Variants in PTPRD observed in about 807,000 individuals in gnomAD.
PTPRD encodes the protein receptor-type tyrosine-protein phosphatase delta.
Under a neutral mutation model 214.5 loss-of-function variants are expected in PTPRD, and 34 were observed. The observed-to-expected ratio is 0.16, with a 90% CI of 0.12 to 0.21. PTPRD has a LOEUF of 0.21. PTPRD is among the 10% of genes least tolerant of loss of function. The pLI is 1.00. For missense variants in PTPRD, 2,545 were observed against 2,398.7 expected (o/e 1.06, Z -1.27); for synonymous variants, 1,128 against 845.7 (o/e 1.33, Z -5.79).
At chr9:9,275,127 ATTATATATAAT>A (rs1569566698) in intron 9 of PTPRD, among the ~76,000 whole-genome samples, 127 of 55,214 alleles carry the variant, frequency 2.3e-3, no homozygotes, top group African/African-American at 8.9e-3. Flanking sequence ...TATTATATAT[ATTATATATAAT>A]ATATATATAA....
chr9:9,088,115 G>T (rs111778580), intron 10 of PTPRD, among the ~76,000 whole-genome samples: 1,788 of 150,786 alleles, frequency 0.012, 35 homozygotes, highest in African/African-American at 0.041. Context: ...CTCCTGACCT[G>T]AAGTGATCTG....
chr9:9,527,728 T>C (rs2074461274), intron 8 of PTPRD, among the ~76,000 whole-genome samples: 1 of 152,188 alleles, frequency 6.6e-6, no homozygotes, highest in Non-Finnish European at 1.5e-5. Flanking sequence ...TTTATTTATC[T>C]ACCTTCAATT....
intron 3 of PTPRD, among the ~76,000 whole-genome samples, chr9:10,285,693 C>T (rs1414914853): frequency 1.4e-5 from 2 of 147,320 alleles, no homozygotes; most frequent in African/African-American, 5.1e-5. Context: ...TCACTGCAAG[C>T]TCCGCCTCCC....
At chr9:8,924,126 G>A (rs200271192) in intron 11 of PTPRD, among the ~76,000 whole-genome samples, 3 of 15,664 alleles carry the variant, frequency 1.9e-4, no homozygotes, top group Non-Finnish European at 3.6e-4. Context: ...CCTAAGCTAC[G>A]ATTAAATCCA....
At chr9:8,784,585 G>A (rs572251400) in intron 11 of PTPRD, among the ~76,000 whole-genome samples, 7 of 152,094 alleles carry the variant, frequency 4.6e-5, no homozygotes, top group Non-Finnish European at 8.8e-5. Context: ...ATTAAACAGC[G>A]TCAGAACCTT....
At chr9:8,348,541 C>T (rs934853286) in intron 39 of PTPRD, among the ~76,000 whole-genome samples, 1 of 152,182 alleles carries the variant, frequency 6.6e-6, no homozygotes, top group Middle Eastern at 3.4e-3. Flanking sequence ...GGTTTCTGGT[C>T]TTTTAATAGT....
intron 11 of PTPRD, among the ~76,000 whole-genome samples, chr9:8,845,100 G>C (rs2097661072): frequency 6.7e-6 from 1 of 149,798 alleles, no homozygotes; most frequent in African/African-American, 2.5e-5. Flanking sequence ...GTGCTTTAAA[G>C]AATGGATGTA....
rs533885335 is a variant in PTPRD at position 8,429,631 on chromosome 9, T to C, written c.4086+6961A>G. Reference sequence around the variant, plus strand: ...TGAAATATTTCATATAAAAGGGTCATTATCATCATCACAGACAGGAGATGT... The same window carrying C: ...TGAAATATTTCATATAAAAGGGTCACTATCATCATCACAGACAGGAGATGT... On this transcript the variant is annotated intron_variant, in intron 35 of 45. Transcript: ENST00000381196. 2.6e-5 allele frequency among the ~76,000 whole-genome samples: 4 copies of C among 152,158 alleles called. No individual in the cohort carries two copies. In the East Asian group the frequency reaches 7.7e-4, roughly 29 times the overall value.
chr9:8,622,784 C>T (rs931008266), intron 14 of PTPRD, among the ~76,000 whole-genome samples: 12 of 151,994 alleles, frequency 7.9e-5, no homozygotes, highest in Admixed American at 7.2e-4. Context: ...TTAAATCCAG[C>T]AGTCTGCAAG....
intron 9 of PTPRD, among the ~76,000 whole-genome samples, chr9:9,329,190 AC>A (rs2136419071): frequency 6.6e-6 from 1 of 152,258 alleles, no homozygotes; most frequent in East Asian, 1.9e-4. Context: ...CATCACAGAA[AC>A]AGGATAATAT....
chr9:8,737,780 G>T (rs113877499), intron 11 of PTPRD, among the ~76,000 whole-genome samples: 2 of 152,018 alleles, frequency 1.3e-5, no homozygotes, highest in Non-Finnish European at 2.9e-5. Context: ...CCTCCTGAGT[G>T]GCTGGGATTA....
intron 11 of PTPRD, among the ~76,000 whole-genome samples, chr9:8,923,818 C>T (rs1262117274): frequency 3.3e-5 from 5 of 152,106 alleles, no homozygotes; most frequent in African/African-American, 1.2e-4. Flanking sequence ...TAACACACCT[C>T]GAGTGTAATG....
At chr9:9,058,991 G>A in intron 10 of PTPRD, among the ~76,000 whole-genome samples, 1 of 152,100 alleles carries the variant, frequency 6.6e-6, no homozygotes, top group East Asian at 1.9e-4. Flanking sequence ...AATTTAAGCT[G>A]GAGAACTTTA....
At chr9:9,817,533 C>T (rs1565488547) in intron 5 of PTPRD, among the ~76,000 whole-genome samples, 1 of 152,286 alleles carries the variant, frequency 6.6e-6, no homozygotes, top group African/African-American at 2.4e-5. Flanking sequence ...TATTTCTTCT[C>T]ATCCTGTCAA....
At chr9:10,459,298 T>C (rs999723563) in intron 2 of PTPRD, among the ~76,000 whole-genome samples, 4 of 152,328 alleles carry the variant, frequency 2.6e-5, no homozygotes, top group East Asian at 1.9e-4. Context: ...CAATGTATTA[T>C]TGATGGGCAT....
chr9:8,603,496 A>C (rs1323846159), intron 14 of PTPRD, among the ~76,000 whole-genome samples: 1 of 150,992 alleles, frequency 6.6e-6, no homozygotes, highest in South Asian at 2.1e-4. Context: ...TTTCTCACTT[A>C]TTTGAGAACT....
chr9:9,998,125 A>ATATATATAT (rs1286206158), intron 4 of PTPRD, among the ~76,000 whole-genome samples: 10 of 48,536 alleles, frequency 2.1e-4, no homozygotes, highest in African/African-American at 6.6e-4. Context: ...TAAAAAAAAA[A>ATATATATAT]AAAAATATAT....
At chr9:8,357,259 T>G (rs2077202093) in intron 39 of PTPRD, among the ~76,000 whole-genome samples, 1 of 152,212 alleles carries the variant, frequency 6.6e-6, no homozygotes, top group Non-Finnish European at 1.5e-5. Context: ...TTTTCCTAAC[T>G]TTACCAGAAA....
chr9:8,688,637 T>G, intron 12 of PTPRD, among the ~76,000 whole-genome samples: 1 of 151,964 alleles, frequency 6.6e-6, no homozygotes, highest in Non-Finnish European at 1.5e-5. Flanking sequence ...AAAAGAAAGT[T>G]ATGTAAGAAG....
Sources: allele counts gnomAD v4.1 joint callset (sites outside exome capture counted in the v4.1 genomes callset), GRCh38; gene constraint gnomAD v4.1.1; transcripts MANE v1.5; gene names NCBI Gene and HGNC (gene_info 2026-07-23, HGNC 2026-07-21).